Variants in LRRC7 observed in about 807,000 individuals in gnomAD.
LRRC7 encodes the protein leucine rich repeat containing 7, also known as leucine-rich repeat-containing protein 7.
A neutral mutation model predicts 175.7 loss-of-function variants in LRRC7; 23 were observed. That is an observed-to-expected ratio of 0.13 (90% CI 0.09 to 0.19). The LOEUF (loss-of-function observed/expected upper bound fraction) is 0.19. Ranked by LOEUF, LRRC7 falls within the 10% of genes least tolerant of loss-of-function variation. LRRC7 has a pLI of 1.00. For missense variants in LRRC7, 1,354 were observed against 1,904.7 expected, an observed-to-expected ratio of 0.71 and a Z score of 5.38; for synonymous variants, 685 against 680.9, an observed-to-expected ratio of 1.01 and a Z score of -0.09.
chr1:70,073,533 A>C (rs1205752032), intron 23 of LRRC7, among the ~76,000 whole-genome samples: 1 of 152,234 alleles, frequency 6.6e-6, no homozygotes, highest in Non-Finnish European at 1.5e-5. Flanking sequence ...TCACCCTTGA[A>C]TAGACTAGTA....
At chr1:69,860,636 T>TC (rs35514171) in intron 7 of LRRC7, among the ~76,000 whole-genome samples, 85,107 of 151,580 alleles carry the variant, frequency 0.56, 24,004 homozygotes, top group East Asian at 0.7. Flanking sequence ...TAGGTTTTTT[T>TC]GTTCTAGAAA....
intron 1 of LRRC7, among the ~76,000 whole-genome samples, chr1:69,605,306 T>C (rs1361733700): frequency 2.0e-5 from 3 of 152,126 alleles, no homozygotes; most frequent in Non-Finnish European, 4.4e-5. Context: ...GTGAGGCCTC[T>C]CCAGCCACAT....
intron 2 of LRRC7, among the ~76,000 whole-genome samples, chr1:69,727,753 T>G (rs1198664898): frequency 6.6e-6 from 1 of 152,234 alleles, no homozygotes; most frequent in Non-Finnish European, 1.5e-5. Context: ...ACATATTTTC[T>G]GTGGGACTTT....
At chr1:69,849,266 G>T (rs539004700) in intron 7 of LRRC7, among the ~76,000 whole-genome samples, 1 of 152,038 alleles carries the variant, frequency 6.6e-6, no homozygotes, top group South Asian at 2.1e-4. Flanking sequence ...ATAGGAATTG[G>T]TTAAAAAGTA....
At chr1:69,663,032 C>CT (rs905023838) in intron 1 of LRRC7, among the ~76,000 whole-genome samples, 30 of 152,044 alleles carry the variant, frequency 2.0e-4, no homozygotes, top group African/African-American at 6.0e-4. Context: ...TTGCCCTGTT[C>CT]TTTTTTTTCC....
intron 3 of LRRC7, among the ~76,000 whole-genome samples, chr1:69,782,432 T>C (rs7520521): frequency 0.47 from 72,109 of 152,018 alleles, 17,811 homozygotes; most frequent in African/African-American, 0.61. Flanking sequence ...TAATCTGTGA[T>C]CTGGAACTTG....
chr1:69,779,057 C>A (rs1224111419), intron 3 of LRRC7, among the ~76,000 whole-genome samples: 1 of 151,712 alleles, frequency 6.6e-6, no homozygotes, highest in Non-Finnish European at 1.5e-5. Context: ...CAGATACATA[C>A]ACAAACCAGC....
At chr1:70,067,275 CTG>C (rs1343454158) in intron 23 of LRRC7, among the ~76,000 whole-genome samples, 2 of 151,832 alleles carry the variant, frequency 1.3e-5, no homozygotes, top group Non-Finnish European at 2.9e-5. Context: ...ACATTTAAGT[CTG>C]TGATCTATTT....
At chr1:69,699,148 A>G (rs535239674) in intron 2 of LRRC7, among the ~76,000 whole-genome samples, 1 of 152,280 alleles carries the variant, frequency 6.6e-6, no homozygotes, top group African/African-American at 2.4e-5. Context: ...AAGGAGCTGG[A>G]GACACTTTGT....
intron 4 of LRRC7, among the ~76,000 whole-genome samples, chr1:69,825,218 A>G (rs974146449): frequency 2.0e-5 from 3 of 152,278 alleles, no homozygotes; most frequent in Non-Finnish European, 4.4e-5. Context: ...CAGCCAACAA[A>G]AAAGAATTGT....
chr1:69,689,696 A>G (rs1313222557), intron 2 of LRRC7, among the ~76,000 whole-genome samples: 1 of 152,168 alleles, frequency 6.6e-6, no homozygotes, highest in African/African-American at 2.4e-5. Context: ...ATATGATTTT[A>G]GTACAAGGGG....
At position 69,837,998 on chromosome 1, in the gene LRRC7, C is replaced by G. The variant is rs1008693484; in HGVS notation, c.591-229C>G. On this transcript the variant is annotated intron_variant, in intron 6 of 26. Transcript: ENST00000651989. The stretch of plus-strand genomic sequence containing the variant: ...ATGAGGTATGTGTGATATTTTAGTA[C>G]AGACATACAATGTGTAATGATCAAA... Among the ~76,000 whole-genome samples the G allele has an allele frequency of 2.6e-5, 4 of 151,436 alleles. No homozygotes were observed. In the Admixed American group the frequency reaches 2.6e-4, roughly 10 times the overall value.
intron 21 of LRRC7, among the ~76,000 whole-genome samples, chr1:70,040,176 A>G (rs191983469): frequency 1.3e-5 from 2 of 152,210 alleles, no homozygotes; most frequent in East Asian, 1.9e-4. Context: ...TAAAAAGTGG[A>G]TATTTCCCCC....
At chr1:69,976,764 C>T (rs1439066772) in intron 8 of LRRC7, among the ~76,000 whole-genome samples, 1 of 152,140 alleles carries the variant, frequency 6.6e-6, no homozygotes, top group African/African-American at 2.4e-5. Context: ...GTTTTCAGCC[C>T]TCAAGTATTA....
At chr1:69,654,002 G>C (rs1417921253) in intron 1 of LRRC7, among the ~76,000 whole-genome samples, 1 of 151,984 alleles carries the variant, frequency 6.6e-6, no homozygotes, top group African/African-American at 2.4e-5. Flanking sequence ...TAGAATTTCA[G>C]TCATGCAAGA....
At chr1:70,072,406 A>G (rs1310328504) in intron 23 of LRRC7, among the ~76,000 whole-genome samples, 1 of 152,192 alleles carries the variant, frequency 6.6e-6, no homozygotes, top group African/African-American at 2.4e-5. Flanking sequence ...CCTTTGTGTC[A>G]GTCAAAAACA....
At chr1:69,916,141 A>T (rs12743121) in intron 7 of LRRC7, among the ~76,000 whole-genome samples, 1 of 8,622 alleles carries the variant, frequency 1.2e-4, no homozygotes, top group African/African-American at 8.7e-4. Context: ...TATATATATA[A>T]TATATATATT....
At chr1:69,635,207 T>C (rs530812134) in intron 1 of LRRC7, among the ~76,000 whole-genome samples, 1 of 152,246 alleles carries the variant, frequency 6.6e-6, no homozygotes, top group Non-Finnish European at 1.5e-5. Flanking sequence ...GTTCATTTGC[T>C]AAGGATAATG....
intron 2 of LRRC7, among the ~76,000 whole-genome samples, chr1:69,758,282 A>C (rs1189181867): frequency 1.3e-5 from 2 of 152,088 alleles, no homozygotes; most frequent in Non-Finnish European, 2.9e-5. Context: ...TTGGAGAGAC[A>C]GAAAGTAATG....
Sources: allele counts gnomAD v4.1 joint callset (sites outside exome capture counted in the v4.1 genomes callset), GRCh38; gene constraint gnomAD v4.1.1; transcripts MANE v1.5; gene names NCBI Gene and HGNC (gene_info 2026-07-23, HGNC 2026-07-21).